CD180: variants seen among roughly 807,000 people sequenced by gnomAD.
CD180 encodes the protein CD180 molecule, also known as CD180 antigen.
In CD180, 11 loss-of-function variants were observed where a neutral mutation model predicts 10.7. The observed-to-expected ratio is 1.03, with a 90% CI of 0.65 to 1.70. The LOEUF (loss-of-function observed/expected upper bound fraction) is 1.70. Ranked by LOEUF, CD180 falls within the 40% of genes most tolerant of loss-of-function variation. The probability of loss-of-function intolerance (pLI) is 0.00; values close to 1 mark genes in which losing one functional copy is unlikely to be tolerated. For missense variants in CD180, 729 were observed against 775.2 expected, an observed-to-expected ratio of 0.94 and a Z score of 0.71; for synonymous variants, 286 against 294.6, an observed-to-expected ratio of 0.97 and a Z score of 0.30.
intron 2 of CD180, among the ~76,000 whole-genome samples, chr5:67,185,485 T>G (rs1742175339): frequency 6.6e-6 from 1 of 152,176 alleles, no homozygotes; most frequent in African/African-American, 2.4e-5. Flanking sequence ...GTAGATGGTG[T>G]GCTTTTCTCC....
At chr5:67,193,957 C>A (rs1160085939) in intron 1 of CD180, among the ~76,000 whole-genome samples, 3 of 152,188 alleles carry the variant, frequency 2.0e-5, no homozygotes, top group Non-Finnish European at 4.4e-5. Flanking sequence ...TGTTCCTGAT[C>A]ACTGGGGGGA....
rs1370459785 is a variant in CD180, at chr5:67,183,029, GTCT to G, written c.1811_1813del (p.Glu604_Thr605delinsAla). The stretch of plus-strand genomic sequence containing the variant: ...TAGAGATGGCGGGTTTGCACACGTG[GTCT>G]CCTCCGAGCCTTCAAGTTTGTGCAG... On this transcript the variant is annotated inframe_deletion, in exon 3 of 3. Transcript: ENST00000256447. 15 of 1,614,004 alleles carry G rather than the reference GTCT, an allele frequency of 9.3e-6. No homozygotes were observed. Among genetic ancestry groups the G allele is most frequent in the South Asian group, 2.2e-5 (2 of 91,074 alleles).
intron 1 of CD180, among the ~76,000 whole-genome samples, chr5:67,194,359 A>G (rs1742361173): frequency 6.6e-6 from 1 of 151,750 alleles, no homozygotes; most frequent in African/African-American, 2.4e-5. Context: ...TCCTGTAGAT[A>G]ACATCTATTA....
At chr5:67,188,569 C>T (rs890479300) in intron 1 of CD180, among the ~76,000 whole-genome samples, 1 of 152,186 alleles carries the variant, frequency 6.6e-6, no homozygotes, top group Non-Finnish European at 1.5e-5. Flanking sequence ...TACTCTGTTA[C>T]GGACTCCAGA....
rs73104005 is a variant in CD180 at position 67,181,398 on chromosome 5, C to T, written c.*1459G>A. 0.076 allele frequency: 11,512 copies of T among 152,188 alleles called. 1,166 individuals carry two copies. The highest frequency in any genetic ancestry group is 0.23 in the African/African-American group (9,670 of 41,468). 9.4% of individuals were successfully genotyped at this position (152,188 alleles called of 1,614,324 possible). Reference sequence around the variant, plus strand: ...AGAGCAAGTGTGAAGGCCTGAAATCCCTGAGCAGAGAAGAGGTTCACCCAC... The same window carrying T: ...AGAGCAAGTGTGAAGGCCTGAAATCTCTGAGCAGAGAAGAGGTTCACCCAC... On this transcript the variant is annotated 3_prime_UTR_variant, in exon 3 of 3. Transcript: ENST00000256447.
intron 1 of CD180, among the ~76,000 whole-genome samples, chr5:67,189,644 A>C (rs762366553): frequency 6.6e-6 from 1 of 152,208 alleles, no homozygotes; most frequent in African/African-American, 2.4e-5. Flanking sequence ...TAGCTTTTAT[A>C]ATCACAATTG....
intron 1 of CD180, among the ~76,000 whole-genome samples, chr5:67,188,142 C>T (rs2151167283): frequency 6.6e-6 from 1 of 151,268 alleles, no homozygotes. Flanking sequence ...TGCACTCCAG[C>T]CTGGCCACAG....
intron 1 of CD180, among the ~76,000 whole-genome samples, chr5:67,193,812 G>A (rs1742351467): frequency 6.6e-6 from 1 of 152,188 alleles, no homozygotes; most frequent in Non-Finnish European, 1.5e-5. Context: ...GGGGCCTCCC[G>A]CTGATGCAAG....
At chr5:67,195,009 T>G (rs745367767) in intron 1 of CD180, among the ~76,000 whole-genome samples, 44 of 152,148 alleles carry the variant, frequency 2.9e-4, no homozygotes, top group Non-Finnish European at 5.0e-4. Context: ...CCAGTGCTCA[T>G]GCACACAGGA....
In CD180 at chr5:67,182,486, G is replaced by A. The variant is rs941663993; in HGVS notation, c.*371C>T. The A allele has an allele frequency of 6.1e-5, 10 of 164,992 alleles. No individual in the cohort carries two copies. The highest frequency in any genetic ancestry group is 1.3e-4 in the Non-Finnish European group (10 of 76,490). 10.2% of individuals were successfully genotyped at this position (164,992 alleles called of 1,614,324 possible). ...GGGCTGATGATCTCCTTTCAGGGGC[G>A]GGGTGTGTGGTGCTGGGAGGGATGT... On this transcript the variant is annotated 3_prime_UTR_variant, in exon 3 of 3. Transcript: ENST00000256447.
chr5:67,196,477 C>T, intron 1 of CD180, 75 bp downstream of exon 1: 1 of 1,395,574 alleles, frequency 7.2e-7, no homozygotes, highest in Non-Finnish European at 1.0e-6. Flanking sequence ...TGCCAAGGCT[C>T]AGATTGGACT....
intron 1 of CD180, among the ~76,000 whole-genome samples, chr5:67,189,603 A>G (rs1481909388): frequency 1.3e-5 from 2 of 152,246 alleles, no homozygotes; most frequent in Non-Finnish European, 2.9e-5. Flanking sequence ...GAGAATGTCT[A>G]GGGCTCAGCA....
Position 67,180,253 on chromosome 5 carries a change from A to T in CD180, c.*2604T>A, listed in dbSNP as rs751915366. 1.3e-5 allele frequency: 2 copies of T among 152,270 alleles called. No homozygotes were observed. The highest frequency in any genetic ancestry group is 2.9e-5 in the Non-Finnish European group (2 of 68,054). 9.4% of individuals were successfully genotyped at this position (152,270 alleles called of 1,614,324 possible). The stretch of plus-strand genomic sequence containing the variant: ...TTGTTAGTGTGATGTAATTCACATC[A>T]GAGGTTTTCTACAGAATTGTTTCGT... On this transcript the variant is annotated 3_prime_UTR_variant, in exon 3 of 3. Transcript: ENST00000256447.
Position 67,180,107 on chromosome 5 carries a change from A to C in CD180, c.*2750T>G, listed in dbSNP as rs893727286. 6.6e-6 allele frequency: 1 copy of C among 152,254 alleles called. No individual in the cohort carries two copies. Among genetic ancestry groups the C allele is most frequent in the African/African-American group, 2.4e-5 (1 of 41,464 alleles). The allele number at this position is 152,254 out of a possible 1,614,324, so 9.4% of individuals were successfully genotyped here. A position where few individuals can be genotyped will look rare whatever the true frequency, so the allele number is the denominator to read the frequency against. On this transcript the variant is annotated 3_prime_UTR_variant, in exon 3 of 3. Coordinates refer to ENST00000256447, the MANE Select transcript of CD180 (RefSeq NM_005582.3). ...AATTTACTGTTGCTTAAAACAGAGG[A>C]GCTGTCACAAAGCCTTAGATCAGTT...
At chr5:67,196,030 C>A (rs929013650) in intron 1 of CD180, among the ~76,000 whole-genome samples, 1 of 152,194 alleles carries the variant, frequency 6.6e-6, no homozygotes, top group Non-Finnish European at 1.5e-5. Flanking sequence ...TGGCTCTATT[C>A]TCAGATTTTC....
At position 67,185,850 on chromosome 5, in the gene CD180, C is replaced by T. The variant is rs752503376; in HGVS notation, c.257+1G>A. ...AGCACACAAATAACTCAGATACATA[C>T]CTAGTTAAATCCAAAAAGGTAAGAT... On this transcript the variant is annotated splice_donor_variant, in intron 2 of 2. Transcript: ENST00000256447. LOFTEE classifies it high-confidence loss of function. 2 of 1,586,658 alleles carry T rather than the reference C, an allele frequency of 1.3e-6. No homozygotes were observed. The highest frequency in any genetic ancestry group is 2.7e-5 in the African/African-American group (2 of 73,694).
chr5:67,189,619 G>A (rs538832918), intron 1 of CD180, among the ~76,000 whole-genome samples: 2 of 152,298 alleles, frequency 1.3e-5, no homozygotes, highest in East Asian at 1.9e-4. Context: ...CAGCATACAC[G>A]TAGCCCTTCC....
At chr5:67,195,928 G>A (rs867734797) in intron 1 of CD180, among the ~76,000 whole-genome samples, 6 of 152,294 alleles carry the variant, frequency 3.9e-5, no homozygotes, top group South Asian at 4.2e-4. Context: ...GGCAAGAGAC[G>A]GAGGCCCTTC....
At position 67,183,655 on chromosome 5, in the gene CD180, G is replaced by A; in HGVS notation, c.1188C>T (p.Ser396=). The A allele has an allele frequency of 6.2e-7, 1 of 1,614,120 alleles. No homozygotes were observed. Among genetic ancestry groups the A allele is most frequent in the South Asian group, 1.1e-5 (1 of 91,074 alleles). The change falls in exon 3 of 3, where the codon TCC becomes TCT. Residue 396 remains serine (S), a synonymous_variant. Transcript: ENST00000256447. ...DCCSLQLKNL[S]HLQTLNLSHN... ...GGCTCAGGTTTAAGGTTTGCAAGTG[G>A]GACAGGTTTTTGAGTTGCAGACTGC... is the stretch of plus-strand genomic sequence containing the variant.
Sources: allele counts gnomAD v4.1 joint callset (sites outside exome capture counted in the v4.1 genomes callset), GRCh38; gene constraint gnomAD v4.1.1; transcripts MANE v1.5; gene names NCBI Gene and HGNC (gene_info 2026-07-23, HGNC 2026-07-21).